STOX2: variants seen among roughly 807,000 people sequenced by gnomAD.
The protein encoded by STOX2 is storkhead box 2, also known as storkhead-box protein 2.
Under a neutral mutation model 60.9 loss-of-function variants are expected in STOX2, and 28 were observed. The ratio of observed to expected loss-of-function variants is 0.46; its 90% CI spans 0.34 to 0.63. STOX2 has a LOEUF of 0.63. STOX2 is among the 30% of genes least tolerant of loss of function. The probability of loss-of-function intolerance (pLI) is 0.01; values close to 1 mark genes in which losing one functional copy is unlikely to be tolerated. For synonymous variants in STOX2, 472 were observed against 463.9 expected, an observed-to-expected ratio of 1.02 and a Z score of -0.22; for missense variants, 1,024 against 1,187.7, an observed-to-expected ratio of 0.86 and a Z score of 2.03.
At chr4:183,839,543 C>CCAGCA (rs1560839645) in intron 1 of STOX2, among the ~76,000 whole-genome samples, 5 of 152,182 alleles carry the variant, frequency 3.3e-5, no homozygotes, top group Admixed American at 3.3e-4. Flanking sequence ...AGCATTAGTA[C>CCAGCA]TACAGGAAAC....
chr4:184,010,085 A>G lies in STOX2; in HGVS notation c.1247A>G (p.His416Arg). ...VPREGCFIIE[H>R]KGDNFIMHSN... ...AGGGAGGGCTGCTTCATCATTGAAC[A>G]CAAAGGAGATAACTTCATCATGCAC... The change falls in exon 3 of 4, where the codon CAC becomes CGC. Residue 416 changes from histidine (H) to arginine (R), a missense_variant. This residue lies in a region of STOX2 where 922 missense variants were observed against 1,058.3 expected (regional missense o/e 0.87). Transcript: ENST00000308497. This position sits in a 1 kb window ranked among gnomAD's most constrained non-coding sequence, Gnocchi z 4.5. 6.2e-7 allele frequency: 1 copy of G among 1,608,526 alleles called. No individual in the cohort carries two copies. Among genetic ancestry groups the G allele is most frequent in the Non-Finnish European group, 8.5e-7 (1 of 1,177,310 alleles).
chr4:183,937,825 A>G (rs1337121236), intron 1 of STOX2, among the ~76,000 whole-genome samples: 1 of 152,248 alleles, frequency 6.6e-6, no homozygotes, highest in Non-Finnish European at 1.5e-5. Context: ...TTGAAAATAC[A>G]GTATCTCTGG....
intron 1 of STOX2, among the ~76,000 whole-genome samples, chr4:183,911,236 A>G (rs1167653801): frequency 6.6e-6 from 1 of 152,182 alleles, no homozygotes; most frequent in East Asian, 1.9e-4. Flanking sequence ...TTGCGATACA[A>G]TCCTATTCCC....
chr4:183,831,304 G>A (rs969531991), intron 1 of STOX2, among the ~76,000 whole-genome samples: 2 of 152,132 alleles, frequency 1.3e-5, no homozygotes, highest in Non-Finnish European at 2.9e-5. Flanking sequence ...AAAGAAGCTT[G>A]GCTCTTTTGC....
chr4:183,990,578 A>ATTTTTTTT lies in STOX2; in HGVS notation c.167-10717_167-10710dup, dbSNP rs57369052. ...GAAGAGGGGCAGTTTAAAAAGCAGG[A>ATTTTTTTT]TTTTTTTTTTTTTTTTTTTTTTTTT... On this transcript the variant is annotated intron_variant, in intron 1 of 3. Coordinates refer to ENST00000308497, the MANE Select transcript of STOX2 (RefSeq NM_020225.3). Among the ~76,000 whole-genome samples, 59 of 82,472 alleles carry ATTTTTTTT rather than the reference A, an allele frequency of 7.2e-4. 8 individuals carry two copies. The East Asian group carries it at 0.01, about 15-fold the overall frequency. 54.1% of individuals were successfully genotyped at this position (82,472 alleles called of 152,430 possible). A position where few individuals can be genotyped will look rare whatever the true frequency, so the allele number is the denominator to read the frequency against.
intron 1 of STOX2, among the ~76,000 whole-genome samples, chr4:183,937,533 A>G (rs1467856404): frequency 6.6e-6 from 1 of 152,194 alleles, no homozygotes; most frequent in Non-Finnish European, 1.5e-5. Flanking sequence ...CAGGTCCACA[A>G]GGACATATAT....
At chr4:183,922,747 A>G (rs73000603) in intron 1 of STOX2, among the ~76,000 whole-genome samples, 8,739 of 152,156 alleles carry the variant, frequency 0.057, 717 homozygotes, top group African/African-American at 0.18. Context: ...AACTGTTTTC[A>G]TCTTGCAGAA....
intron 1 of STOX2, among the ~76,000 whole-genome samples, chr4:183,819,057 C>CTT (rs1560830025): frequency 3.7e-4 from 56 of 151,444 alleles, no homozygotes; most frequent in African/African-American, 1.2e-3. Flanking sequence ...CCTCACTTTC[C>CTT]AGACTGGGCA....
intron 1 of STOX2, among the ~76,000 whole-genome samples, chr4:184,000,719 G>A (rs990668479): frequency 6.6e-6 from 1 of 151,806 alleles, no homozygotes; most frequent in Admixed American, 6.6e-5. Context: ...CCCCACCCTC[G>A]CCTCCCAGAG....
At chr4:183,848,919 G>T (rs1348616906) in intron 1 of STOX2, among the ~76,000 whole-genome samples, 2 of 152,214 alleles carry the variant, frequency 1.3e-5, no homozygotes, top group South Asian at 2.1e-4. Context: ...ATTCTGCTGA[G>T]TGCCTGGTTT....
At chr4:183,851,565 GA>G in intron 1 of STOX2, among the ~76,000 whole-genome samples, 14 of 105,724 alleles carry the variant, frequency 1.3e-4, no homozygotes, top group African/African-American at 4.5e-4. Context: ...AACGATGAGG[GA>G]AAGGATGAGA....
chr4:183,862,092 G>A, intron 1 of STOX2, among the ~76,000 whole-genome samples: 2 of 152,214 alleles, frequency 1.3e-5, no homozygotes, highest in East Asian at 3.9e-4. Context: ...GGGAGCTTAG[G>A]TTTCAGAGGC....
rs918123858 is a variant in STOX2 at position 183,932,467 on chromosome 4, A to G, written c.166+25511A>G. On this transcript the variant is annotated intron_variant, in intron 1 of 3. Transcript: ENST00000308497. ...GTATATGTATGTATACATACAGTAT[A>G]TGTATGTATACATACAGTATATGTA... Among the ~76,000 whole-genome samples the G allele has an allele frequency of 2.0e-3, 212 of 106,150 alleles. 4 individuals are homozygous for G. The highest frequency in any genetic ancestry group is 4.8e-3 in the Admixed American group (48 of 9,948). The allele number at this position is 106,150 out of a possible 152,430, so 69.6% of individuals were successfully genotyped here. A position where few individuals can be genotyped will look rare whatever the true frequency, so the allele number is the denominator to read the frequency against.
chr4:183,922,535 G>A (rs1011890138), intron 1 of STOX2, among the ~76,000 whole-genome samples: 15 of 151,846 alleles, frequency 9.9e-5, no homozygotes, highest in Admixed American at 2.0e-4. Context: ...TAGTAGAGAC[G>A]GGGTTTCACC....
At chr4:183,870,873 T>G (rs1740672780) in intron 1 of STOX2, among the ~76,000 whole-genome samples, 1 of 152,208 alleles carries the variant, frequency 6.6e-6, no homozygotes, top group South Asian at 2.1e-4. Context: ...TCCTTCTCTC[T>G]CAGATTAACA....
chr4:183,798,073 G>T lies in STOX2; in HGVS notation c.364+18G>T, dbSNP rs952362649. The T allele has an allele frequency of 4.9e-6, 6 of 1,226,446 alleles. No individual in the cohort carries two copies. In the African/African-American group the frequency reaches 7.8e-5, roughly 16 times the overall value. 76.0% of individuals were successfully genotyped at this position (1,226,446 alleles called of 1,614,324 possible). ...CTGCCTGGGTGAGTGCGACCGCCGC[G>T]CGCCCGTCCCGTCCCTTCCCACCGG... On this transcript the variant is annotated intron_variant, in intron 1 of 2. Transcript: ENST00000513034.
intron 1 of STOX2, among the ~76,000 whole-genome samples, chr4:183,816,650 A>T (rs910401946): frequency 6.3e-5 from 9 of 143,576 alleles, no homozygotes; most frequent in East Asian, 5.8e-4. Context: ...TATAAAATTT[A>T]AAAAAAAAAT....
At chr4:183,929,433 T>C (rs1306405741) in intron 1 of STOX2, among the ~76,000 whole-genome samples, 8 of 152,350 alleles carry the variant, frequency 5.3e-5, no homozygotes, top group African/African-American at 1.4e-4. Flanking sequence ...ATTTTCTCTT[T>C]ATATGACATT....
Position 184,010,490 on chromosome 4 carries a change from A to T in STOX2, c.1652A>T (p.Tyr551Phe), listed in dbSNP as rs141428264. ...LQRAHISSTS[Y>F]KEVCIPEIVS... ...AGGGCTCACATTTCGTCCACAAGCT[A>T]TAAAGAGGTGTGTATTCCAGAGATA... Residue 551 changes from tyrosine to phenylalanine, a missense_variant, in exon 3 of 4, where the codon TAT becomes TTT. Coordinates refer to ENST00000308497, the MANE Select transcript of STOX2 (RefSeq NM_020225.3). The surrounding 1 kb of genome is among the most constrained non-coding windows in gnomAD (Gnocchi z 4.5). The T allele has an allele frequency of 2.1e-4, 338 of 1,613,898 alleles. 2 individuals are homozygous for T. The African/African-American group carries it at 4.1e-3, about 19-fold the overall frequency.
Sources: allele counts gnomAD v4.1 joint callset (sites outside exome capture counted in the v4.1 genomes callset), GRCh38; gene constraint gnomAD v4.1.1; regional missense constraint gnomAD v4.1.1; non-coding constraint Gnocchi (gnomAD v3.1); transcripts MANE v1.5; gene names NCBI Gene and HGNC (gene_info 2026-07-23, HGNC 2026-07-21).